Variants in PADI2 observed in about 807,000 individuals in gnomAD.
PADI2 encodes the protein protein-arginine deiminase type-2.
In PADI2, 70 loss-of-function variants were observed where a neutral mutation model predicts 81.1. The observed-to-expected ratio is 0.86, with a 90% CI of 0.71 to 1.05. PADI2 has a LOEUF of 1.05. PADI2 is among the 50% of genes least tolerant of loss of function. The pLI is 0.00. For synonymous variants in PADI2, 338 were observed against 358.0 expected (o/e 0.94, Z 0.63); for missense variants, 853 against 889.9 (o/e 0.96, Z 0.53).
At chr1:17,079,993 G>C (rs769668635) in intron 10 of PADI2, among the ~76,000 whole-genome samples, 8 of 152,032 alleles carry the variant, frequency 5.3e-5, no homozygotes, top group Non-Finnish European at 8.8e-5. Flanking sequence ...GTTTCACTGG[G>C]TTGCCCAGGC....
chr1:17,104,679 C>T lies in PADI2; in HGVS notation c.276+199G>A, dbSNP rs187661898. Among the ~76,000 whole-genome samples, 170 of 152,160 alleles carry T rather than the reference C, an allele frequency of 1.1e-3. 1 individual carries two copies. The highest frequency in any genetic ancestry group is 3.1e-3 in the South Asian group (15 of 4,814). On this transcript the variant is annotated intron_variant, in intron 2 of 15. Coordinates refer to ENST00000375486, the MANE Select transcript of PADI2 (RefSeq NM_007365.3). The stretch of plus-strand genomic sequence containing the variant: ...CGATCTCCTGACCTTGTGATCCACC[C>T]GCCTCGGCCTCCCAAAGTGCTGGGA...
chr1:17,117,048 G>T (rs1416084327), intron 1 of PADI2, among the ~76,000 whole-genome samples: 1 of 152,152 alleles, frequency 6.6e-6, no homozygotes, highest in South Asian at 2.1e-4. Flanking sequence ...GCATCTAGGG[G>T]ACAGAGGTCA....
intron 3 of PADI2, among the ~76,000 whole-genome samples, chr1:17,096,672 G>C (rs1015855123): frequency 3.9e-5 from 6 of 152,246 alleles, no homozygotes; most frequent in African/African-American, 1.4e-4. Flanking sequence ...CTGCCATGGA[G>C]ACAGGCTTTG....
chr1:17,085,621 C>T (rs1450147023), intron 7 of PADI2, among the ~76,000 whole-genome samples: 1 of 152,186 alleles, frequency 6.6e-6, no homozygotes, highest in Non-Finnish European at 1.5e-5. Context: ...GAAACTATGG[C>T]AAACTACCCT....
intron 7 of PADI2, 30 bp downstream of exon 7, chr1:17,086,491 C>G: frequency 1.0e-5 from 16 of 1,589,258 alleles, no homozygotes; most frequent in Non-Finnish European, 1.4e-5. Flanking sequence ...CTGGGGTTAG[C>G]CCCCTGTGGT....
intron 1 of PADI2, among the ~76,000 whole-genome samples, chr1:17,114,947 G>C (rs1212681128): frequency 6.6e-6 from 1 of 152,100 alleles, no homozygotes; most frequent in African/African-American, 2.4e-5. Context: ...AGTGAGGTAG[G>C]GCCTGGCACA....
intron 3 of PADI2, among the ~76,000 whole-genome samples, chr1:17,097,513 G>A (rs147074800): frequency 8.5e-5 from 13 of 152,116 alleles, no homozygotes; most frequent in Non-Finnish European, 1.0e-4. Flanking sequence ...CCCTCCGATC[G>A]CATTCACTCC....
chr1:17,082,460 A>G, intron 10 of PADI2, 85 bp downstream of exon 10: 1 of 857,202 alleles, frequency 1.2e-6, no homozygotes, highest in South Asian at 1.4e-5. Flanking sequence ...GAATGTGTCA[A>G]GGCGGCCCAG....
chr1:17,077,982 G>A (rs1024074798), intron 11 of PADI2, among the ~76,000 whole-genome samples: 4 of 152,184 alleles, frequency 2.6e-5, no homozygotes, highest in East Asian at 1.9e-4. Flanking sequence ...GCAGGACCAC[G>A]TCTGCTCATA....
At chr1:17,085,900 GA>G (rs1312162719) in intron 7 of PADI2, among the ~76,000 whole-genome samples, 1 of 152,218 alleles carries the variant, frequency 6.6e-6, no homozygotes, top group Non-Finnish European at 1.5e-5. Context: ...AGGGTCTGGG[GA>G]TGAAAGGTCT....
At chr1:17,077,225 C>A (rs1335488763) in intron 11 of PADI2, among the ~76,000 whole-genome samples, 1 of 152,126 alleles carries the variant, frequency 6.6e-6, no homozygotes, top group African/African-American at 2.4e-5. Context: ...ATCATGTCAC[C>A]CTGTTTTATC....
chr1:17,089,487 C>A (rs1395032734), intron 6 of PADI2, among the ~76,000 whole-genome samples: 2 of 152,308 alleles, frequency 1.3e-5, no homozygotes, highest in Middle Eastern at 3.4e-3. Flanking sequence ...GGGGGCTCCA[C>A]CAAGGTCTGG....
In PADI2 at chr1:17,095,966, G is replaced by A; in HGVS notation, c.354C>T (p.Ile118=). The A allele has an allele frequency of 6.2e-7, 1 of 1,603,242 alleles. No homozygotes were observed. The highest frequency in any genetic ancestry group is 8.5e-7 in the Non-Finnish European group (1 of 1,174,714). The change falls in exon 4 of 16, where the codon ATC becomes ATT. Residue 118 remains isoleucine, a synonymous_variant. Coordinates refer to ENST00000375486, the MANE Select transcript of PADI2 (RefSeq NM_007365.3). ...CCCGGTCTGCGTCCACATCCAGGGA[G>A]ATCTCTGGGGAGAAGAGACATGGGT... is the stretch of plus-strand genomic sequence containing the variant. ...QAGLFLTAIE[I]SLDVDADRDG... is the part of the protein sequence containing the mutation.
chr1:17,084,646 C>G lies in PADI2; in HGVS notation c.891G>C (p.Trp297Cys), dbSNP rs1458046542. Residue 297 changes from tryptophan (W) to cysteine (C), a missense_variant, in exon 8 of 16, where the codon TGG becomes TGC. Coordinates refer to ENST00000375486, the MANE Select transcript of PADI2 (RefSeq NM_007365.3). ...TDTVIFRIAPWIMTPNILPPV... is the reference protein window; with the variant it reads ...TDTVIFRIAPCIMTPNILPPV... ...GAGGCAGGATGTTGGGGGTCATGAT[C>G]CACGGAGCAATCCGGAATATCACGG... 4.4e-6 allele frequency: 7 copies of G among 1,579,678 alleles called. No individual in the cohort carries two copies. The Admixed American group carries it at 7.2e-5, about 16-fold the overall frequency.
chr1:17,099,110 A>G (rs892662953), intron 3 of PADI2, among the ~76,000 whole-genome samples: 1 of 152,170 alleles, frequency 6.6e-6, no homozygotes, highest in African/African-American at 2.4e-5. Context: ...CTGCCCTGAG[A>G]ATGAAGACAC....
intron 9 of PADI2, chr1:17,082,887 T>TTTC: frequency 2.7e-6 from 1 of 370,172 alleles, no homozygotes; most frequent in Non-Finnish European, 4.9e-6. Flanking sequence ...TTTTTTTTTT[T>TTTC]TGAGACAGGG....
At chr1:17,092,361 G>T (rs1424701582) in intron 6 of PADI2, 47 bp downstream of exon 6, 6 of 1,513,794 alleles carry the variant, frequency 4.0e-6, no homozygotes, top group South Asian at 2.5e-5. Flanking sequence ...GGGGAGGAGG[G>T]TAGGTGGCTA....
Position 17,092,475 on chromosome 1 carries a change from G to C in PADI2, c.588C>G (p.Ala196=), listed in dbSNP as rs140150031. ...AAATGTACAGAACTATCTCGTATCCGGCGGGGAGGCGGTCGGGGCCTTTGG... is the reference window on the plus strand; with the variant it reads ...AAATGTACAGAACTATCTCGTATCCCGCGGGGAGGCGGTCGGGGCCTTTGG... ...LRTKGPDRLP[A]GYEIVLYISM... The change falls in exon 6 of 16, where the codon GCC becomes GCG. Residue 196 remains alanine, a synonymous_variant. Coordinates refer to ENST00000375486, the MANE Select transcript of PADI2 (RefSeq NM_007365.3). 1.5e-4 allele frequency: 238 copies of C among 1,602,466 alleles called. No individual in the cohort carries two copies. In the East Asian group the frequency reaches 3.3e-3, roughly 22 times the overall value.
intron 2 of PADI2, among the ~76,000 whole-genome samples, chr1:17,103,692 C>A (rs1193958044): frequency 2.6e-5 from 4 of 151,842 alleles, no homozygotes; most frequent in Admixed American, 2.0e-4. Context: ...CTACCGAGCA[C>A]TGGAAATGCG....
Sources: gnomAD v4.1 joint callset for allele counts (sites outside exome capture counted in the v4.1 genomes callset) on GRCh38, gnomAD v4.1.1 for gene constraint, MANE v1.5 for transcripts, NCBI Gene and HGNC (gene_info 2026-07-23, HGNC 2026-07-21) for gene names.